Variants in SPAG16 observed in about 807,000 individuals in gnomAD.
SPAG16 encodes the protein sperm-associated antigen 16 protein.
In SPAG16, 86 loss-of-function variants were observed where a neutral mutation model predicts 80.4. That is an observed-to-expected ratio of 1.07 (90% CI 0.90 to 1.28). The LOEUF (loss-of-function observed/expected upper bound fraction) is 1.28. Among genes scored for constraint, SPAG16 ranks in the 50% most tolerant of loss-of-function variants. The pLI is 0.00. For synonymous variants in SPAG16, 294 were observed against 265.9 expected, an observed-to-expected ratio of 1.11 and a Z score of -1.03; for missense variants, 870 against 765.3, an observed-to-expected ratio of 1.14 and a Z score of -1.61.
rs2125676461 is a variant in SPAG16 at position 213,475,614 on chromosome 2, C to A, written c.943-14349C>A. 2.0e-5 allele frequency among the ~76,000 whole-genome samples: 3 copies of A among 152,238 alleles called. No individual in the cohort carries two copies. In the Middle Eastern group the frequency reaches 0.01, roughly 518 times the overall value. ...CTTATGCCATGGTTGTGAGTATGACCTTCCCCCATGAAGCAGAAAGGACTA... is the reference window on the plus strand; with the variant it reads ...CTTATGCCATGGTTGTGAGTATGACATTCCCCCATGAAGCAGAAAGGACTA... On this transcript the variant is annotated intron_variant, in intron 9 of 15. Transcript: ENST00000331683.
chr2:213,502,479 T>C (rs367712737), intron 10 of SPAG16, among the ~76,000 whole-genome samples: 14 of 152,304 alleles, frequency 9.2e-5, no homozygotes, highest in East Asian at 5.8e-4. Flanking sequence ...TTTTATTTTT[T>C]ATTTGTTCAC....
intron 10 of SPAG16, among the ~76,000 whole-genome samples, chr2:213,797,851 C>T (rs6720110): frequency 0.25 from 38,287 of 152,122 alleles, 5,330 homozygotes; most frequent in Middle Eastern, 0.37. Context: ...AGTAGAGCTG[C>T]TGTCTTATAG....
chr2:213,876,825 G>A (rs1471801985), intron 11 of SPAG16, among the ~76,000 whole-genome samples: 3 of 152,052 alleles, frequency 2.0e-5, no homozygotes, highest in Non-Finnish European at 4.4e-5. Context: ...CAGTATTAGG[G>A]TCCTCGCTCA....
intron 9 of SPAG16, among the ~76,000 whole-genome samples, chr2:213,407,830 G>GAGAGAGAGAGGAGAGAGGC (rs1559101447): frequency 6.0e-5 from 6 of 99,212 alleles, no homozygotes; most frequent in Non-Finnish European, 1.2e-4. Context: ...GAGAGAGGCA[G>GAGAGAGAGAGGAGAGAGGC]AGAGAGAGAG....
intron 12 of SPAG16, among the ~76,000 whole-genome samples, chr2:213,994,749 A>G (rs1476615197): frequency 6.6e-6 from 1 of 152,184 alleles, no homozygotes; most frequent in Non-Finnish European, 1.5e-5. Flanking sequence ...TATAAAGGAA[A>G]TAAATATGCT....
intron 10 of SPAG16, among the ~76,000 whole-genome samples, chr2:213,501,359 A>C (rs998186627): frequency 2.0e-5 from 3 of 152,188 alleles, no homozygotes; most frequent in Non-Finnish European, 4.4e-5. Flanking sequence ...CTGCCTGAGA[A>C]ATTGTGATCT....
intron 10 of SPAG16, among the ~76,000 whole-genome samples, chr2:213,687,665 T>G (rs1400763444): frequency 6.6e-6 from 1 of 152,196 alleles, no homozygotes. Flanking sequence ...TATGTTTTTT[T>G]GTCTGACCCC....
chr2:214,166,226 G>T (rs183424118), intron 15 of SPAG16, among the ~76,000 whole-genome samples: 4 of 152,232 alleles, frequency 2.6e-5, no homozygotes, highest in East Asian at 3.9e-4. Context: ...TAGACAGGAT[G>T]CTGTGCTGCT....
intron 10 of SPAG16, among the ~76,000 whole-genome samples, chr2:213,546,232 G>T (rs2125929072): frequency 6.6e-6 from 1 of 151,964 alleles, no homozygotes; most frequent in African/African-American, 2.4e-5. Flanking sequence ...ACTTAGGCTT[G>T]CTCTCTTCTG....
chr2:214,050,759 T>A (rs1314374739), intron 13 of SPAG16, among the ~76,000 whole-genome samples: 1 of 152,184 alleles, frequency 6.6e-6, no homozygotes, highest in African/African-American at 2.4e-5. Flanking sequence ...TCCCATCTTC[T>A]TTTTCTCCCT....
At chr2:214,362,704 G>T (rs567266425) in intron 15 of SPAG16, among the ~76,000 whole-genome samples, 2 of 151,906 alleles carry the variant, frequency 1.3e-5, no homozygotes, top group African/African-American at 4.8e-5. Flanking sequence ...TCTTGAAATT[G>T]CAATTCACCA....
intron 15 of SPAG16, among the ~76,000 whole-genome samples, chr2:214,301,996 ATT>A (rs751877345): frequency 6.7e-6 from 1 of 150,066 alleles, no homozygotes; most frequent in Non-Finnish European, 1.5e-5. Flanking sequence ...TTTGCATTGA[ATT>A]TTTTTTTTAT....
chr2:213,891,962 A>G (rs2076800122), intron 11 of SPAG16, among the ~76,000 whole-genome samples: 1 of 152,194 alleles, frequency 6.6e-6, no homozygotes, highest in South Asian at 2.1e-4. Flanking sequence ...AGAAAGCATT[A>G]CAAGTACTTA....
intron 13 of SPAG16, among the ~76,000 whole-genome samples, chr2:214,028,770 T>C (rs551457243): frequency 1.3e-5 from 2 of 152,194 alleles, no homozygotes; most frequent in South Asian, 2.1e-4. Context: ...AATGTATGTA[T>C]GTGTGTATAT....
intron 10 of SPAG16, among the ~76,000 whole-genome samples, chr2:213,671,438 G>A (rs2063808789): frequency 6.6e-6 from 1 of 151,948 alleles, no homozygotes; most frequent in Non-Finnish European, 1.5e-5. Flanking sequence ...TGGGGAAGAT[G>A]TCCATGAGTG....
intron 9 of SPAG16, among the ~76,000 whole-genome samples, chr2:213,435,640 T>C (rs2070587385): frequency 6.6e-6 from 1 of 152,190 alleles, no homozygotes; most frequent in South Asian, 2.1e-4. Context: ...TTATTCTCTT[T>C]AGTTATTGAA....
chr2:214,318,373 CTTTTTTT>C (rs34923875), intron 15 of SPAG16, among the ~76,000 whole-genome samples: 1,796 of 69,870 alleles, frequency 0.026, 39 homozygotes, highest in African/African-American at 0.098. Flanking sequence ...AGAGTGAATT[CTTTTTTT>C]TTTTTTTTTT....
At chr2:214,126,741 G>A (rs961870870) in intron 14 of SPAG16, among the ~76,000 whole-genome samples, 3 of 151,764 alleles carry the variant, frequency 2.0e-5, no homozygotes, top group Non-Finnish European at 4.4e-5. Flanking sequence ...TACAGATTGT[G>A]TATCTACATC....
chr2:214,230,922 G>T (rs1688651156), intron 15 of SPAG16, among the ~76,000 whole-genome samples: 3 of 151,840 alleles, frequency 2.0e-5, no homozygotes, highest in Non-Finnish European at 4.4e-5. Flanking sequence ...GTCTATCTTG[G>T]GTCTCAAAGC....
Sources: gnomAD v4.1 joint callset for allele counts (sites outside exome capture counted in the v4.1 genomes callset) on GRCh38, gnomAD v4.1.1 for gene constraint, MANE v1.5 for transcripts, NCBI Gene and HGNC (gene_info 2026-07-23, HGNC 2026-07-21) for gene names.